Variants in FOXO3 observed in about 807,000 individuals in gnomAD.
FOXO3 encodes forkhead box protein O3.
A neutral mutation model predicts 41.9 loss-of-function variants in FOXO3; 4 were observed. The ratio of observed to expected loss-of-function variants is 0.10; its 90% CI spans 0.05 to 0.22. The LOEUF (loss-of-function observed/expected upper bound fraction) is 0.22, where lower values mean the gene tolerates loss of function less well. Ranked by LOEUF, FOXO3 falls within the 10% of genes least tolerant of loss-of-function variation. FOXO3 has a pLI of 1.00. For synonymous variants in FOXO3, 318 were observed against 389.3 expected, an observed-to-expected ratio of 0.82 and a Z score of 2.16; for missense variants, 534 against 906.8, an observed-to-expected ratio of 0.59 and a Z score of 5.28.
intron 2 of FOXO3, among the ~76,000 whole-genome samples, chr6:108,668,366 T>C (rs577012611): frequency 1.3e-5 from 2 of 152,270 alleles, no homozygotes; most frequent in East Asian, 1.9e-4. Flanking sequence ...TAGCCATACT[T>C]TTTTGGAGGG....
Position 108,561,050 on chromosome 6 carries a change from C to T in FOXO3, c.-159C>T. The T allele has an allele frequency of 2.1e-6, 3 of 1,408,224 alleles. No individual in the cohort carries two copies. Among genetic ancestry groups the T allele is most frequent in the Non-Finnish European group, 2.7e-6 (3 of 1,092,940 alleles). 87.2% of individuals were successfully genotyped at this position (1,408,224 alleles called of 1,614,324 possible). A position where few individuals can be genotyped will look rare whatever the true frequency, so the allele number is the denominator to read the frequency against. The stretch of plus-strand genomic sequence containing the variant: ...AGGACGGGGCTCCGGCCCGGGATAA[C>T]CAACTCTCCTTCTCTCTTCTTTGGT... On this transcript the variant is annotated 5_prime_UTR_variant, in exon 1 of 3. Transcript: ENST00000406360.
intron 1 of FOXO3, among the ~76,000 whole-genome samples, chr6:108,621,900 T>G (rs1038622769): frequency 6.6e-6 from 1 of 152,078 alleles, no homozygotes; most frequent in Non-Finnish European, 1.5e-5. Flanking sequence ...TAGGGGAGGC[T>G]GTGGGCCTCA....
upstream of FOXO3, chr6:108,560,908 C>A: frequency 8.3e-7 from 1 of 1,199,536 alleles, no homozygotes. Flanking sequence ...CGCGGCCTGG[C>A]CGGGGGGCGG....
chr6:108,569,423 G>A lies in FOXO3; in HGVS notation c.621+7594G>A, dbSNP rs77348803. On this transcript the variant is annotated intron_variant, in intron 1 of 2. Coordinates refer to ENST00000406360, the MANE Select transcript of FOXO3 (RefSeq NM_001455.4). The stretch of plus-strand genomic sequence containing the variant: ...AACTACGGTAGCTGGCATCCATAGA[G>A]TACTGTGATGTACCACTCTTGGTAA... 3.6e-3 allele frequency among the ~76,000 whole-genome samples: 553 copies of A among 152,282 alleles called. 12 individuals carry two copies. Among genetic ancestry groups the A allele is most frequent in the East Asian group, 0.034 (177 of 5,190 alleles).
intron 1 of FOXO3, among the ~76,000 whole-genome samples, chr6:108,570,114 C>G (rs1776059305): frequency 6.7e-6 from 1 of 149,512 alleles, no homozygotes; most frequent in Non-Finnish European, 1.5e-5. Flanking sequence ...ATTCTCCTGC[C>G]TCAGCCTCCC....
chr6:108,577,316 G>T (rs554381168), intron 1 of FOXO3, among the ~76,000 whole-genome samples: 1 of 152,170 alleles, frequency 6.6e-6, no homozygotes, highest in African/African-American at 2.4e-5. Flanking sequence ...TCTGATTTTT[G>T]AACCTGAGAC....
intron 1 of FOXO3, among the ~76,000 whole-genome samples, chr6:108,626,441 T>C (rs1777815769): frequency 6.6e-6 from 1 of 152,190 alleles, no homozygotes; most frequent in Non-Finnish European, 1.5e-5. Context: ...ATCTTTATTC[T>C]TAGGCTAATG....
rs988310297 is a variant in FOXO3 at position 108,684,311 on chromosome 6, A to G, written c.*4519A>G. On this transcript the variant is annotated 3_prime_UTR_variant, in exon 3 of 3. Coordinates refer to ENST00000406360, the MANE Select transcript of FOXO3 (RefSeq NM_001455.4). ...AAAATGTATTGTGCATTTTGGCTTC[A>G]CATGTTTAACTTTTTTTAAGAAAAA... The G allele has an allele frequency of 2.0e-5, 3 of 152,616 alleles. No individual in the cohort carries two copies. The highest frequency in any genetic ancestry group is 7.2e-5 in the African/African-American group (3 of 41,562). The allele number at this position is 152,616 out of a possible 1,614,324, so 9.5% of individuals were successfully genotyped here. A position where few individuals can be genotyped will look rare whatever the true frequency, so the allele number is the denominator to read the frequency against.
chr6:108,634,548 G>C (rs938737030), intron 1 of FOXO3, among the ~76,000 whole-genome samples: 3 of 152,158 alleles, frequency 2.0e-5, no homozygotes, highest in African/African-American at 7.2e-5. Flanking sequence ...GCTTGAGGTT[G>C]TGTACTTGGG....
intron 1 of FOXO3, among the ~76,000 whole-genome samples, chr6:108,614,721 T>TG (rs1444534235): frequency 6.6e-6 from 1 of 152,042 alleles, no homozygotes; most frequent in Non-Finnish European, 1.5e-5. Context: ...GGTTTTTTTT[T>TG]GTTTTTTATT....
intron 1 of FOXO3, among the ~76,000 whole-genome samples, chr6:108,575,041 T>G (rs946878730): frequency 2.6e-5 from 4 of 152,128 alleles, no homozygotes; most frequent in Admixed American, 2.0e-4. Flanking sequence ...ACTGTGGACT[T>G]TTAAAGGGAC....
Position 108,664,109 on chromosome 6 carries a change from C to A in FOXO3, c.1276C>A (p.Pro426Thr). ...YTTKGSGLGS[P>T]TSSFNSTVFG... ...CACCAAGGGCTCGGGCCTGGGCTCC[C>A]CAACCAGCTCCTTTAACAGCACGGT... The change falls in exon 2 of 3, where the codon CCA becomes ACA. Residue 426 changes from proline to threonine, a missense_variant. Physicochemically the swap from Pro to Thr is conservative, Grantham distance 38. Around this residue, in one of 8 missense-constraint regions of FOXO3, gnomAD observed 185 missense variants for 224.9 expected, o/e 0.82. Coordinates refer to ENST00000406360, the MANE Select transcript of FOXO3 (RefSeq NM_001455.4). 6.2e-7 allele frequency: 1 copy of A among 1,614,190 alleles called. No homozygotes were observed.
chr6:108,608,979 C>G (rs1210278906), intron 1 of FOXO3, among the ~76,000 whole-genome samples: 5 of 152,148 alleles, frequency 3.3e-5, no homozygotes, highest in Admixed American at 1.3e-4. Context: ...GCTGAGGTTG[C>G]TACGGTACTT....
chr6:108,653,225 C>G (rs2128383276), intron 1 of FOXO3, among the ~76,000 whole-genome samples: 1 of 152,256 alleles, frequency 6.6e-6, no homozygotes, highest in East Asian at 1.9e-4. Flanking sequence ...AAGTATAATT[C>G]AGGTCTATTT....
rs1189109534 is a variant in FOXO3, at chr6:108,684,435, A to T, written c.*4643A>T. 6.6e-6 allele frequency: 1 copy of T among 152,264 alleles called. No homozygotes were observed. Among genetic ancestry groups the T allele is most frequent in the Non-Finnish European group, 1.5e-5 (1 of 68,046 alleles). 9.4% of individuals were successfully genotyped at this position (152,264 alleles called of 1,614,324 possible). ...CATATCCCATATAATCTAGAACTAA[A>T]TATGGTGTGTGGCCATATTTAAACA... On this transcript the variant is annotated 3_prime_UTR_variant, in exon 3 of 3. Coordinates refer to ENST00000406360, the MANE Select transcript of FOXO3 (RefSeq NM_001455.4).
chr6:108,570,925 T>A (rs1252980955), intron 1 of FOXO3, among the ~76,000 whole-genome samples: 2 of 152,226 alleles, frequency 1.3e-5, no homozygotes, highest in African/African-American at 4.8e-5. Context: ...CTAAGACCCA[T>A]GATTTACTTC....
rs762454768 is a variant in FOXO3 at position 108,664,503 on chromosome 6, T to C, written c.1670T>C (p.Met557Thr). Residue 557 changes from methionine to threonine, a missense_variant, in exon 2 of 3, where the codon ATG becomes ACG. Transcript: ENST00000406360. ...SRALSNSVSNMGLSESSSLGS... is the reference protein window; with the variant it reads ...SRALSNSVSNTGLSESSSLGS... The stretch of plus-strand genomic sequence containing the variant: ...GCCTTGTCGAATTCTGTCAGCAACA[T>C]GGGCTTGAGTGAGTCCAGCAGCCTT... The C allele has an allele frequency of 3.6e-5, 49 of 1,371,232 alleles. No homozygotes were observed. Among genetic ancestry groups the C allele is most frequent in the Middle Eastern group, 1.8e-4 (1 of 5,646 alleles). 84.9% of individuals were successfully genotyped at this position (1,371,232 alleles called of 1,614,324 possible).
At chr6:108,565,617 G>A (rs1438689560) in intron 1 of FOXO3, among the ~76,000 whole-genome samples, 3 of 152,148 alleles carry the variant, frequency 2.0e-5, no homozygotes, top group Non-Finnish European at 2.9e-5. Flanking sequence ...TCACAAGTGT[G>A]GGGGATACTG....
At chr6:108,667,779 T>C (rs1025241854) in intron 2 of FOXO3, among the ~76,000 whole-genome samples, 2 of 152,192 alleles carry the variant, frequency 1.3e-5, no homozygotes, top group African/African-American at 2.4e-5. Context: ...AGATAACTTC[T>C]TCAGCTAAAA....
Sources: allele counts gnomAD v4.1 joint callset (sites outside exome capture counted in the v4.1 genomes callset), GRCh38; gene constraint gnomAD v4.1.1; regional missense constraint gnomAD v4.1.1; transcripts MANE v1.5; gene names NCBI Gene and HGNC (gene_info 2026-07-23, HGNC 2026-07-21).